Variants in RGS20 observed in about 807,000 individuals in gnomAD.
RGS20 encodes the protein regulator of G protein signaling 20.
A neutral mutation model predicts 33.6 loss-of-function variants in RGS20; 30 were observed. The observed-to-expected ratio is 0.89, with a 90% CI of 0.67 to 1.21. The LOEUF is 1.21. Among genes scored for constraint, RGS20 ranks in the 50% most tolerant of loss-of-function variants. The probability of loss-of-function intolerance (pLI) is 0.00; values close to 1 mark genes in which losing one functional copy is unlikely to be tolerated. For missense variants in RGS20, 472 were observed against 502.4 expected, an observed-to-expected ratio of 0.94 and a Z score of 0.58; for synonymous variants, 208 against 197.9, an observed-to-expected ratio of 1.05 and a Z score of -0.43.
chr8:53,954,136 C>A lies in RGS20; in HGVS notation c.804C>A (p.Val268=). 1 of 1,614,064 alleles carries A rather than the reference C, an allele frequency of 6.2e-7. No homozygotes were observed. Among genetic ancestry groups the A allele is most frequent in the South Asian group, 1.1e-5 (1 of 90,992 alleles). ...CTCAGTCATTTGACAAATTAATGGT[C>A]ACTCCAGCAGGAAGGAATGCATTCC... Residue 268 remains valine, a synonymous_variant, in exon 5 of 6, where the codon GTC becomes GTA. Coordinates refer to ENST00000297313, the MANE Select transcript of RGS20 (RefSeq NM_170587.4).
At chr8:53,935,264 C>A (rs997080797) in intron 2 of RGS20, among the ~76,000 whole-genome samples, 1 of 151,954 alleles carries the variant, frequency 6.6e-6, no homozygotes, top group African/African-American at 2.4e-5. Context: ...AAGATCAGAG[C>A]AGAACTGAAG....
chr8:53,871,453 C>T (rs1812064185), intron 1 of RGS20, among the ~76,000 whole-genome samples: 1 of 152,038 alleles, frequency 6.6e-6, no homozygotes, highest in Non-Finnish European at 1.5e-5. Flanking sequence ...CCTGTCTCTA[C>T]TAAAAACACA....
intron 1 of RGS20, among the ~76,000 whole-genome samples, chr8:53,852,953 G>T (rs1039290141): frequency 6.6e-6 from 1 of 151,990 alleles, no homozygotes; most frequent in Non-Finnish European, 1.5e-5. Flanking sequence ...AATAAAAAGG[G>T]TCAACACAAA....
intron 1 of RGS20, among the ~76,000 whole-genome samples, chr8:53,874,367 G>GGGGT (rs1554518106): frequency 3.4e-5 from 5 of 146,484 alleles, no homozygotes; most frequent in African/African-American, 1.0e-4. Context: ...AGCAATAAGG[G>GGGGT]GTGTGTGTGT....
intron 2 of RGS20, among the ~76,000 whole-genome samples, chr8:53,935,636 C>A (rs559255122): frequency 3.9e-5 from 6 of 152,148 alleles, no homozygotes; most frequent in Non-Finnish European, 8.8e-5. Flanking sequence ...CAAAAAAAGG[C>A]CCAGGACCAG....
chr8:53,958,636 T>C lies in RGS20; in HGVS notation c.*178T>C. On this transcript the variant is annotated 3_prime_UTR_variant, in exon 6 of 6. Transcript: ENST00000297313. ...TCACCATGTAAACTGCAGCCACCTT[T>C]AGTGATACTTTTGAAAAAAAAAAAT... 8.7e-6 allele frequency: 3 copies of C among 343,070 alleles called. No homozygotes were observed. Among genetic ancestry groups the C allele is most frequent in the Non-Finnish European group, 1.5e-5 (3 of 196,780 alleles). The allele number at this position is 343,070 out of a possible 1,614,324, so 21.3% of individuals were successfully genotyped here.
At position 53,909,229 on chromosome 8, in the gene RGS20, A is replaced by G. The variant is rs1487256349; in HGVS notation, c.510+29627A>G. Among the ~76,000 whole-genome samples, 478 of 126,094 alleles carry G rather than the reference A, an allele frequency of 3.8e-3. 16 individuals carry two copies. The highest frequency in any genetic ancestry group is 0.014 in the African/African-American group (436 of 31,054). 82.7% of individuals were successfully genotyped at this position (126,094 alleles called of 152,430 possible). On this transcript the variant is annotated intron_variant, in intron 2 of 5. Transcript: ENST00000297313. The stretch of plus-strand genomic sequence containing the variant: ...TGTGTGTATATATATATATATATAT[A>G]TATATATATATATATATATATATAT...
At chr8:53,934,602 T>G (rs1814076278) in intron 2 of RGS20, among the ~76,000 whole-genome samples, 1 of 152,190 alleles carries the variant, frequency 6.6e-6, no homozygotes, top group East Asian at 1.9e-4. Context: ...GCATCCATAT[T>G]CATAAAGCAA....
At chr8:53,863,291 C>T (rs1811849046) in intron 1 of RGS20, among the ~76,000 whole-genome samples, 1 of 152,124 alleles carries the variant, frequency 6.6e-6, no homozygotes, top group Admixed American at 6.6e-5. Context: ...CCGGCCATGA[C>T]ATTTTCAAAT....
chr8:53,909,151 A>G (rs1289619005), intron 2 of RGS20, among the ~76,000 whole-genome samples: 1 of 138,806 alleles, frequency 7.2e-6, no homozygotes, highest in Non-Finnish European at 1.5e-5. Context: ...TCATACAGGT[A>G]GTGGTGGTAC....
intron 1 of RGS20, among the ~76,000 whole-genome samples, chr8:53,857,698 G>A (rs1585857856): frequency 6.6e-6 from 1 of 152,156 alleles, no homozygotes; most frequent in Non-Finnish European, 1.5e-5. Context: ...CATTCAAAAG[G>A]AATGCTCATT....
intron 1 of RGS20, among the ~76,000 whole-genome samples, chr8:53,860,781 C>T (rs1811793500): frequency 6.6e-6 from 1 of 152,184 alleles, no homozygotes; most frequent in Admixed American, 6.5e-5. Context: ...GCCTGGCCAA[C>T]ATGGTGAAAC....
chr8:53,906,063 C>T (rs537634631), intron 2 of RGS20, among the ~76,000 whole-genome samples: 90 of 152,284 alleles, frequency 5.9e-4, no homozygotes, highest in African/African-American at 2.0e-3. Flanking sequence ...CCCCCTCCTC[C>T]ACCCACAAGT....
At chr8:53,882,392 G>C (rs1034479344) in intron 2 of RGS20, among the ~76,000 whole-genome samples, 1 of 152,122 alleles carries the variant, frequency 6.6e-6, no homozygotes, top group African/African-American at 2.4e-5. Context: ...CAGGGCCAGC[G>C]AGCGACCCCA....
At chr8:53,891,068 T>C (rs1359751709) in intron 2 of RGS20, among the ~76,000 whole-genome samples, 1 of 152,188 alleles carries the variant, frequency 6.6e-6, no homozygotes, top group Admixed American at 6.5e-5. Flanking sequence ...GACCCAGCCA[T>C]GTGTTTGAGG....
chr8:53,936,166 G>A (rs559593145), intron 2 of RGS20, among the ~76,000 whole-genome samples: 4 of 152,290 alleles, frequency 2.6e-5, no homozygotes, highest in South Asian at 4.1e-4. Context: ...AAAGCTGGAA[G>A]CATTCCCTTT....
intron 3 of RGS20, among the ~76,000 whole-genome samples, chr8:53,946,043 A>G (rs1756757302): frequency 6.6e-6 from 1 of 152,220 alleles, no homozygotes; most frequent in African/African-American, 2.4e-5. Flanking sequence ...TTAGAGAAAT[A>G]CAATAGATTT....
intron 2 of RGS20, chr8:53,913,710 C>T (rs951071406): frequency 1.3e-5 from 2 of 152,320 alleles, no homozygotes. Context: ...AGGAAGAATC[C>T]TCCCCTAGAG....
At chr8:53,904,806 T>C (rs183320647) in intron 2 of RGS20, among the ~76,000 whole-genome samples, 9 of 152,372 alleles carry the variant, frequency 5.9e-5, no homozygotes, top group Admixed American at 3.3e-4. Context: ...TCCTTCGTTG[T>C]TGGCTGACAT....
Sources: gnomAD v4.1 joint callset for allele counts (sites outside exome capture counted in the v4.1 genomes callset) on GRCh38, gnomAD v4.1.1 for gene constraint, MANE v1.5 for transcripts, NCBI Gene and HGNC (gene_info 2026-07-23, HGNC 2026-07-21) for gene names.